Variants in CNTNAP2 observed in about 807,000 individuals in gnomAD.
The protein encoded by CNTNAP2 is contactin associated protein 2, also known as contactin-associated protein-like 2.
A neutral mutation model predicts 155.2 loss-of-function variants in CNTNAP2; 98 were observed. The ratio of observed to expected loss-of-function variants is 0.63; its 90% CI spans 0.54 to 0.75. CNTNAP2 has a LOEUF of 0.75. Ranked by LOEUF, CNTNAP2 falls within the 30% of genes least tolerant of loss-of-function variation. The pLI is 0.00. For synonymous variants in CNTNAP2, 651 were observed against 631.2 expected, an observed-to-expected ratio of 1.03 and a Z score of -0.47; for missense variants, 1,727 against 1,688.1, an observed-to-expected ratio of 1.02 and a Z score of -0.40.
intron 3 of CNTNAP2, among the ~76,000 whole-genome samples, chr7:146,859,330 G>A (rs187742247): frequency 1.3e-5 from 2 of 152,154 alleles, no homozygotes; most frequent in Non-Finnish European, 2.9e-5. Flanking sequence ...TGAAGGAGCT[G>A]CATATTTTTT....
chr7:147,359,507 A>G (rs886974079), intron 9 of CNTNAP2, among the ~76,000 whole-genome samples: 5 of 152,070 alleles, frequency 3.3e-5, no homozygotes, highest in Middle Eastern at 3.4e-3. Context: ...AATGCTCCCC[A>G]TTTTACTACT....
intron 13 of CNTNAP2, among the ~76,000 whole-genome samples, chr7:147,756,618 C>A (rs186560472): frequency 4.9e-4 from 74 of 152,060 alleles, no homozygotes; most frequent in Admixed American, 4.1e-3. Context: ...AAAAAGTAAT[C>A]CTGAAGGGGA....
At chr7:146,803,162 G>A (rs1035516606) in intron 2 of CNTNAP2, among the ~76,000 whole-genome samples, 3 of 151,994 alleles carry the variant, frequency 2.0e-5, no homozygotes, top group African/African-American at 4.8e-5. Flanking sequence ...TGGAATGAAC[G>A]TGCACGTCTA....
intron 10 of CNTNAP2, among the ~76,000 whole-genome samples, chr7:147,483,867 C>A (rs1159820417): frequency 6.6e-6 from 1 of 152,132 alleles, no homozygotes; most frequent in African/African-American, 2.4e-5. Flanking sequence ...AGGAAAGGAC[C>A]CTCACAACCC....
At chr7:147,114,951 T>C (rs991336670) in intron 5 of CNTNAP2, among the ~76,000 whole-genome samples, 6 of 152,286 alleles carry the variant, frequency 3.9e-5, no homozygotes, top group Middle Eastern at 3.4e-3. Context: ...CTGGTAATGG[T>C]TTTTCCTTTT....
chr7:148,333,823 C>T (rs4726958), intron 21 of CNTNAP2, among the ~76,000 whole-genome samples: 105,806 of 152,124 alleles, frequency 0.7, 36,995 homozygotes, highest in East Asian at 0.89. Context: ...ATCCGACTTC[C>T]CAGGCCTTGA....
Position 147,915,705 on chromosome 7 carries a change from T to TAA in CNTNAP2, c.2255+11999_2255+12000dup, listed in dbSNP as rs11349544. Among the ~76,000 whole-genome samples the TAA allele has an allele frequency of 2.1e-4, 30 of 140,996 alleles. 1 individual carries two copies. In the East Asian group the frequency reaches 3.3e-3, roughly 15 times the overall value. The allele number at this position is 140,996 out of a possible 152,430, so 92.5% of individuals were successfully genotyped here. A position where few individuals can be genotyped will look rare whatever the true frequency, so the allele number is the denominator to read the frequency against. On this transcript the variant is annotated intron_variant, in intron 14 of 23. Transcript: ENST00000361727. ...CATTTTCATTCAGTTAAGCTTTGTT[T>TAA]AAAAAAAAAAAAAAAAGATATTGCT...
chr7:146,259,699 T>C (rs1166238241), intron 1 of CNTNAP2, among the ~76,000 whole-genome samples: 1 of 152,212 alleles, frequency 6.6e-6, no homozygotes, highest in Non-Finnish European at 1.5e-5. Context: ...TTCAGTCATA[T>C]GCATTCACAA....
chr7:147,118,238 G>A (rs932992465), intron 5 of CNTNAP2, among the ~76,000 whole-genome samples: 1 of 152,106 alleles, frequency 6.6e-6, no homozygotes, highest in Non-Finnish European at 1.5e-5. Flanking sequence ...CAGGAAAATA[G>A]CTAGACAGTA....
chr7:146,593,647 TG>T (rs1240174267), intron 1 of CNTNAP2, among the ~76,000 whole-genome samples: 17 of 152,088 alleles, frequency 1.1e-4, no homozygotes, highest in African/African-American at 3.9e-4. Flanking sequence ...CACAATCAAT[TG>T]GTACCTCTCT....
intron 1 of CNTNAP2, among the ~76,000 whole-genome samples, chr7:146,541,449 A>T (rs1482067701): frequency 6.6e-6 from 1 of 152,038 alleles, no homozygotes; most frequent in African/African-American, 2.4e-5. Context: ...AGTCATTAAC[A>T]TGACTCAAGA....
chr7:147,261,929 C>G (rs1804477106), intron 8 of CNTNAP2, among the ~76,000 whole-genome samples: 1 of 152,156 alleles, frequency 6.6e-6, no homozygotes, highest in South Asian at 2.1e-4. Context: ...TCATAATTAA[C>G]TATAAGCTAG....
intron 1 of CNTNAP2, among the ~76,000 whole-genome samples, chr7:146,307,904 G>A (rs1013768268): frequency 6.6e-6 from 1 of 152,080 alleles, no homozygotes; most frequent in Non-Finnish European, 1.5e-5. Context: ...TACCATTCAG[G>A]CCATAGGCAT....
At chr7:147,341,351 T>C (rs962134837) in intron 9 of CNTNAP2, among the ~76,000 whole-genome samples, 6 of 151,918 alleles carry the variant, frequency 3.9e-5, no homozygotes, top group African/African-American at 1.5e-4. Flanking sequence ...GATGGGTTGA[T>C]GGATGCAGCA....
rs551088340 is a variant in CNTNAP2, at chr7:146,498,957, A to G, written c.98-275314A>G. ...GTATGATCTATGGTGTCACATTTTT[A>G]AAAGTACACATAGCATTGAAGAGAA... On this transcript the variant is annotated intron_variant, in intron 1 of 23. Coordinates refer to ENST00000361727, the MANE Select transcript of CNTNAP2 (RefSeq NM_014141.6). Among the ~76,000 whole-genome samples, 4 of 152,322 alleles carry G rather than the reference A, an allele frequency of 2.6e-5. No individual in the cohort carries two copies. The East Asian group carries it at 7.7e-4, about 29-fold the overall frequency.
At chr7:148,351,612 G>A (rs1303495002) in intron 21 of CNTNAP2, among the ~76,000 whole-genome samples, 2 of 151,618 alleles carry the variant, frequency 1.3e-5, no homozygotes, top group Non-Finnish European at 2.9e-5. Context: ...GCGTGGTGGT[G>A]TGTGCCTGCA....
chr7:146,679,141 C>A (rs1333291352), intron 1 of CNTNAP2, among the ~76,000 whole-genome samples: 1 of 152,062 alleles, frequency 6.6e-6, no homozygotes, highest in Non-Finnish European at 1.5e-5. Context: ...GTTATTATTT[C>A]TGATCCTCTT....
intron 8 of CNTNAP2, among the ~76,000 whole-genome samples, chr7:147,228,761 C>T (rs1803607193): frequency 6.6e-6 from 1 of 152,056 alleles, no homozygotes; most frequent in East Asian, 1.9e-4. Flanking sequence ...CACCCATCAA[C>T]CCGTCATCTA....
chr7:146,683,432 T>C (rs1401793992), intron 1 of CNTNAP2, among the ~76,000 whole-genome samples: 3 of 152,344 alleles, frequency 2.0e-5, no homozygotes, highest in Non-Finnish European at 4.4e-5. Context: ...AATCTCTTTA[T>C]AGATTATCTT....
Sources: allele counts gnomAD v4.1 joint callset (sites outside exome capture counted in the v4.1 genomes callset), GRCh38; gene constraint gnomAD v4.1.1; transcripts MANE v1.5; gene names NCBI Gene and HGNC (gene_info 2026-07-23, HGNC 2026-07-21).